Variants in HDAC9 observed in about 807,000 individuals in gnomAD.
HDAC9 encodes the protein MEF-2 interacting transcription repressor (MITR) protein.
In HDAC9, 41 loss-of-function variants were observed where a neutral mutation model predicts 139.4. That is an observed-to-expected ratio of 0.29 (90% CI 0.23 to 0.38). The LOEUF (loss-of-function observed/expected upper bound fraction) is 0.38. Among genes scored for constraint, HDAC9 ranks in the 10% least tolerant of loss-of-function variants. The probability of loss-of-function intolerance (pLI) is 1.00; values close to 1 mark genes in which losing one functional copy is unlikely to be tolerated. For synonymous variants in HDAC9, 517 were observed against 476.2 expected (o/e 1.09, Z -1.12); for missense variants, 1,147 against 1,297.0 (o/e 0.88, Z 1.78).
intron 6 of HDAC9, among the ~76,000 whole-genome samples, chr7:18,619,608 A>T (rs1249520597): frequency 6.6e-6 from 1 of 152,122 alleles, no homozygotes; most frequent in African/African-American, 2.4e-5. Context: ...ATGGGGGCTT[A>T]TTTTTATTTG....
intron 13 of HDAC9, among the ~76,000 whole-genome samples, chr7:18,730,238 C>T (rs950499038): frequency 9.2e-5 from 14 of 152,296 alleles, no homozygotes; most frequent in African/African-American, 3.4e-4. Flanking sequence ...CTTCACTCTG[C>T]TATTCCACAT....
chr7:18,543,965 C>G (rs763328439), intron 2 of HDAC9, among the ~76,000 whole-genome samples: 2 of 151,516 alleles, frequency 1.3e-5, no homozygotes, highest in Non-Finnish European at 1.5e-5. Context: ...CAGGAAGACA[C>G]CAAGATGCTG....
At chr7:18,950,839 A>G (rs1782742470) in intron 23 of HDAC9, among the ~76,000 whole-genome samples, 2 of 152,050 alleles carry the variant, frequency 1.3e-5, no homozygotes, top group African/African-American at 4.8e-5. Flanking sequence ...GTACAGAAAT[A>G]TTAAAATACT....
chr7:18,680,056 G>A, intron 12 of HDAC9, among the ~76,000 whole-genome samples: 1 of 151,942 alleles, frequency 6.6e-6, no homozygotes, highest in East Asian at 1.9e-4. Context: ...TTAGAAATCA[G>A]TGCCAATATA....
intron 2 of HDAC9, among the ~76,000 whole-genome samples, chr7:18,283,992 G>C (rs1380880288): frequency 6.6e-6 from 1 of 152,098 alleles, no homozygotes; most frequent in Non-Finnish European, 1.5e-5. Flanking sequence ...TTAAACCAAT[G>C]TGTTTAAGGT....
At chr7:18,299,830 C>A (rs916682234) in intron 1 of HDAC9, among the ~76,000 whole-genome samples, 1 of 152,188 alleles carries the variant, frequency 6.6e-6, no homozygotes, top group Non-Finnish European at 1.5e-5. Flanking sequence ...GGCTACCAAT[C>A]CACCTTCATC....
Position 18,555,152 on chromosome 7 carries a change from T to G in HDAC9, c.23-30129T>G, listed in dbSNP as rs552906310. On this transcript the variant is annotated intron_variant, in intron 2 of 25. Coordinates refer to ENST00000686413, the MANE Select transcript of HDAC9 (RefSeq NM_178425.4). ...TTTGCTCATTTAAAAAAGATTCTTATGCCCCACTGTTGGAAATATAATTTG... is the reference window on the plus strand; with the variant it reads ...TTTGCTCATTTAAAAAAGATTCTTAGGCCCCACTGTTGGAAATATAATTTG... 3.3e-5 allele frequency among the ~76,000 whole-genome samples: 5 copies of G among 152,346 alleles called. 1 individual carries two copies. The highest frequency in any genetic ancestry group is 9.6e-5 in the African/African-American group (4 of 41,590).
chr7:18,186,413 C>T (rs566147547), intron 2 of HDAC9, among the ~76,000 whole-genome samples: 7 of 152,332 alleles, frequency 4.6e-5, no homozygotes, highest in African/African-American at 1.2e-4. Flanking sequence ...CCGCTGGCAC[C>T]GGACTTGTGG....
chr7:18,231,695 GT>G (rs1218941153), intron 2 of HDAC9, among the ~76,000 whole-genome samples: 1 of 152,144 alleles, frequency 6.6e-6, no homozygotes, highest in African/African-American at 2.4e-5. Context: ...CTATGTGGGA[GT>G]TGGGAGCTAG....
intron 6 of HDAC9, among the ~76,000 whole-genome samples, chr7:18,614,052 A>G (rs1837917532): frequency 1.3e-5 from 2 of 152,006 alleles, no homozygotes; most frequent in African/African-American, 2.4e-5. Context: ...AAAGACTTTG[A>G]TCCTACTTCT....
At chr7:18,985,522 A>G (rs1044304831) in intron 25 of HDAC9, among the ~76,000 whole-genome samples, 21 of 152,180 alleles carry the variant, frequency 1.4e-4, no homozygotes, top group South Asian at 6.2e-4. Context: ...TAGTGCCGCA[A>G]TAAACGTACG....
chr7:18,414,503 A>T (rs1788867396), intron 1 of HDAC9, among the ~76,000 whole-genome samples: 1 of 152,042 alleles, frequency 6.6e-6, no homozygotes. Context: ...ATTTTATTTG[A>T]ATTTTAATTC....
intron 6 of HDAC9, among the ~76,000 whole-genome samples, chr7:18,624,016 G>A (rs759864285): frequency 6.6e-6 from 1 of 152,180 alleles, no homozygotes; most frequent in Non-Finnish European, 1.5e-5. Flanking sequence ...ACACAAGATA[G>A]TTTGTGTGCC....
At chr7:18,625,770 C>A (rs2269749) in intron 6 of HDAC9, among the ~76,000 whole-genome samples, 19,203 of 151,470 alleles carry the variant, frequency 0.13, 1,496 homozygotes, top group East Asian at 0.35. Flanking sequence ...CATGGTGAAA[C>A]CCTGTCTTTA....
rs1274210374 is a variant in HDAC9, at chr7:18,789,315, C to CAG, written c.2215-4030_2215-4029insAG. On this transcript the variant is annotated intron_variant, in intron 16 of 25. Coordinates refer to ENST00000686413, the MANE Select transcript of HDAC9 (RefSeq NM_178425.4). ...ACACACACACACACACACACAGTCT[C>CAG]TCTCTCTCTCTCTTTCTCCCTTTCT... 9.5e-4 allele frequency among the ~76,000 whole-genome samples: 133 copies of CAG among 139,940 alleles called. 2 individuals carry two copies. Among genetic ancestry groups the CAG allele is most frequent in the African/African-American group, 3.5e-3 (114 of 32,476 alleles). 91.8% of individuals were successfully genotyped at this position (139,940 alleles called of 152,430 possible).
intron 22 of HDAC9, among the ~76,000 whole-genome samples, chr7:18,927,623 C>T (rs1006927052): frequency 1.3e-5 from 2 of 152,290 alleles, no homozygotes; most frequent in South Asian, 4.1e-4. Flanking sequence ...ATGTGTGACT[C>T]CTTTGGTCCC....
chr7:18,309,274 A>T (rs638620), intron 1 of HDAC9, among the ~76,000 whole-genome samples: 25,910 of 152,076 alleles, frequency 0.17, 2,334 homozygotes, highest in East Asian at 0.26. Flanking sequence ...TTTTCCAAAA[A>T]ATATACCGTG....
At chr7:18,229,902 G>A (rs552916312) in intron 2 of HDAC9, among the ~76,000 whole-genome samples, 2 of 152,168 alleles carry the variant, frequency 1.3e-5, no homozygotes, top group Non-Finnish European at 1.5e-5. Flanking sequence ...TAATTTTACA[G>A]CAAAGATATT....
chr7:18,818,510 C>A, intron 17 of HDAC9, among the ~76,000 whole-genome samples: 1 of 152,144 alleles, frequency 6.6e-6, no homozygotes, highest in Non-Finnish European at 1.5e-5. Flanking sequence ...ATAAATGTCA[C>A]ATAGACTTAC....
Sources: allele counts gnomAD v4.1 joint callset (sites outside exome capture counted in the v4.1 genomes callset), GRCh38; gene constraint gnomAD v4.1.1; transcripts MANE v1.5; gene names NCBI Gene and HGNC (gene_info 2026-07-23, HGNC 2026-07-21).